Variants in CHURC1 observed in about 807,000 individuals in gnomAD.
The protein encoded by CHURC1 is protein Churchill.
CHURC1 carries 12 observed loss-of-function variants against 15.4 expected under a neutral mutation model. That is an observed-to-expected ratio of 0.78 (90% CI 0.50 to 1.27). The LOEUF is 1.27. CHURC1 is among the 50% of genes most tolerant of loss of function. The pLI is 0.00. For missense variants in CHURC1, 132 were observed against 137.8 expected (o/e 0.96, Z 0.21); for synonymous variants, 42 against 47.5 (o/e 0.88, Z 0.48).
intron 3 of CHURC1, among the ~76,000 whole-genome samples, chr14:64,929,541 C>G (rs1206691405): frequency 6.6e-6 from 1 of 151,542 alleles, no homozygotes; most frequent in Non-Finnish European, 1.5e-5. Context: ...GGCAGTAGTT[C>G]AAGTTCAAGG....
intron 3 of CHURC1, among the ~76,000 whole-genome samples, chr14:64,928,783 T>G (rs111648609): frequency 1.9e-3 from 290 of 152,292 alleles, no homozygotes; most frequent in African/African-American, 6.6e-3. Context: ...AGTGCTTGAC[T>G]TCTTTCCTTT....
chr14:64,915,385 A>G (rs985526163), intron 1 of CHURC1, among the ~76,000 whole-genome samples: 1 of 152,264 alleles, frequency 6.6e-6, no homozygotes, highest in Non-Finnish European at 1.5e-5. Flanking sequence ...ACTAACAAAA[A>G]ATGAGTAGCT....
In CHURC1 at chr14:64,932,331, A is replaced by AT; in HGVS notation, c.*109dup. ...CATTCATACTGAAAATTCTTTGCAT[A>AT]TTTTTTTTCTGCTTAGACTTACTTA... is the stretch of plus-strand genomic sequence containing the variant. On this transcript the variant is annotated 3_prime_UTR_variant, in exon 4 of 4. Transcript: ENST00000549115. 40 of 1,523,912 alleles carry AT rather than the reference A, an allele frequency of 2.6e-5. No homozygotes were observed. The highest frequency in any genetic ancestry group is 7.7e-5 in the South Asian group (6 of 77,446). 94.4% of individuals were successfully genotyped at this position (1,523,912 alleles called of 1,614,324 possible).
chr14:64,931,962 A>C (rs1404467610), intron 3 of CHURC1, among the ~76,000 whole-genome samples, 176 bp from the exon 4 acceptor site: 2 of 152,268 alleles, frequency 1.3e-5, no homozygotes, highest in Non-Finnish European at 2.9e-5. Context: ...TATAAACAAC[A>C]GGCTCTGGAA....
intron 3 of CHURC1, among the ~76,000 whole-genome samples, chr14:64,928,434 G>A (rs1330079016): frequency 6.6e-6 from 1 of 152,056 alleles, no homozygotes; most frequent in Non-Finnish European, 1.5e-5. Context: ...TTTTTTTGTA[G>A]AGATGAGATC....
rs963760315 is a variant in CHURC1 at position 64,933,174 on chromosome 14, C to G, written c.*944C>G. ...TTTAAAATACCTAACCAGTACTTCT[C>G]AAAACTATCAAGGCCATAAAAAACA... On this transcript the variant is annotated 3_prime_UTR_variant, in exon 4 of 4. Coordinates refer to ENST00000549115, the MANE Select transcript of CHURC1 (RefSeq NM_001386928.1). 1.2e-5 allele frequency: 2 copies of G among 161,358 alleles called. No individual in the cohort carries two copies. The highest frequency in any genetic ancestry group is 6.5e-5 in the Admixed American group (1 of 15,268). 10.0% of individuals were successfully genotyped at this position (161,358 alleles called of 1,614,324 possible). A position where few individuals can be genotyped will look rare whatever the true frequency, so the allele number is the denominator to read the frequency against.
At chr14:64,915,044 C>G (rs1490871131) in intron 1 of CHURC1, among the ~76,000 whole-genome samples, 3 of 152,248 alleles carry the variant, frequency 2.0e-5, no homozygotes. Context: ...TTACCGCCTT[C>G]TGAATCTCAG....
intron 1 of CHURC1, among the ~76,000 whole-genome samples, chr14:64,918,312 CAGAATAA>C (rs1884032593): frequency 6.6e-6 from 1 of 152,162 alleles, no homozygotes; most frequent in East Asian, 1.9e-4. Flanking sequence ...GACTTTGAAT[CAGAATAA>C]AGAACATTCT....
In CHURC1 at chr14:64,919,022, A is replaced by G. The variant is rs941697347; in HGVS notation, c.39+4488A>G. On this transcript the variant is annotated intron_variant, in intron 1 of 3. Transcript: ENST00000549115. ...TGGCCTACTTGCTTATACTGTTAAC[A>G]CTGAGAATTTGAATTCAAACATGAG... is the stretch of plus-strand genomic sequence containing the variant. Among the ~76,000 whole-genome samples, 5 of 152,232 alleles carry G rather than the reference A, an allele frequency of 3.3e-5. No individual in the cohort carries two copies. In the South Asian group the frequency reaches 1.0e-3, roughly 31 times the overall value.
intron 3 of CHURC1, 121 bp from the exon 4 acceptor site, chr14:64,932,017 T>C: frequency 7.9e-7 from 1 of 1,273,450 alleles, no homozygotes; most frequent in Non-Finnish European, 1.1e-6. Context: ...GTTGAAGAAA[T>C]TGATCCAATG....
At chr14:64,915,652 A>G (rs961106786) in intron 1 of CHURC1, among the ~76,000 whole-genome samples, 22 of 152,352 alleles carry the variant, frequency 1.4e-4, no homozygotes, top group Admixed American at 1.4e-3. Flanking sequence ...TTTGAGTAGC[A>G]TGTATAACAG....
intron 1 of CHURC1, among the ~76,000 whole-genome samples, chr14:64,923,300 G>C (rs983919342): frequency 3.6e-5 from 5 of 137,254 alleles, no homozygotes; most frequent in African/African-American, 1.3e-4. Flanking sequence ...CTTCCTTTGA[G>C]CCAGGAGCAT....
chr14:64,929,328 A>G (rs1464374286), intron 3 of CHURC1, among the ~76,000 whole-genome samples: 1 of 151,886 alleles, frequency 6.6e-6, no homozygotes, highest in Non-Finnish European at 1.5e-5. Context: ...CCTGAACTCA[A>G]ATTCCATCTC....
At position 64,917,723 on chromosome 14, in the gene CHURC1, GA is replaced by G. The variant is rs955443622; in HGVS notation, c.39+3199del. Among the ~76,000 whole-genome samples the G allele has an allele frequency of 5.1e-4, 76 of 148,346 alleles. 1 individual carries two copies. Among genetic ancestry groups the G allele is most frequent in the African/African-American group, 1.8e-3 (71 of 40,542 alleles). The stretch of plus-strand genomic sequence containing the variant: ...CTGGGCAACAGAGCGAGACCCTGTT[GA>G]AAAAAAAAAGAATTAACAAGATTCA... On this transcript the variant is annotated intron_variant, in intron 1 of 3. Transcript: ENST00000549115.
intron 1 of CHURC1, among the ~76,000 whole-genome samples, chr14:64,918,291 T>TA (rs1356753376): frequency 6.6e-6 from 1 of 152,208 alleles, no homozygotes; most frequent in African/African-American, 2.4e-5. Flanking sequence ...GGGTGGATGT[T>TA]ACGGGTCTTA....
chr14:64,922,880 T>C (rs772108556), intron 1 of CHURC1, among the ~76,000 whole-genome samples: 9 of 152,144 alleles, frequency 5.9e-5, no homozygotes, highest in Admixed American at 2.6e-4. Context: ...AAAGACTTCC[T>C]AGTGGCATTA....
At chr14:64,921,750 A>G (rs4902337) in intron 1 of CHURC1, among the ~76,000 whole-genome samples, 40,216 of 152,120 alleles carry the variant, frequency 0.26, 6,084 homozygotes, top group African/African-American at 0.4. Context: ...AAAGTTAAAT[A>G]TACCATATTT....
chr14:64,917,682 G>A (rs1231133559), intron 1 of CHURC1, among the ~76,000 whole-genome samples: 1 of 152,144 alleles, frequency 6.6e-6, no homozygotes, highest in Non-Finnish European at 1.5e-5. Context: ...CCATGATCGT[G>A]CCATTGCACT....
chr14:64,921,224 A>G (rs1316633960), intron 1 of CHURC1, among the ~76,000 whole-genome samples: 1 of 152,222 alleles, frequency 6.6e-6, no homozygotes, highest in Non-Finnish European at 1.5e-5. Context: ...ACCTAAATCT[A>G]CAAACTAAAA....
Sources: gnomAD v4.1 joint callset for allele counts (sites outside exome capture counted in the v4.1 genomes callset) on GRCh38, gnomAD v4.1.1 for gene constraint, MANE v1.5 for transcripts, NCBI Gene and HGNC (gene_info 2026-07-23, HGNC 2026-07-21) for gene names.